Variants in PAK3 observed in about 807,000 individuals in gnomAD.
PAK3 encodes the protein serine/threonine-protein kinase PAK 3.
PAK3 carries 4 observed loss-of-function variants against 41.0 expected under a neutral mutation model. The observed-to-expected ratio is 0.10, with a 90% CI of 0.05 to 0.22. The LOEUF is 0.22. PAK3 is among the 10% of genes least tolerant of loss of function. The pLI is 1.00. For missense variants in PAK3, 205 were observed against 409.9 expected (o/e 0.50, Z 4.32); for synonymous variants, 146 against 139.6 (o/e 1.05, Z -0.32).
chrX:111,087,473 T>C (rs184532766), intron 1 of PAK3, among the ~76,000 whole-genome samples: 101 of 109,203 alleles, frequency 9.2e-4, no homozygotes, highest in African/African-American at 3.3e-3. Flanking sequence ...CTTAATTATA[T>C]GAAACAACAG....
chrX:110,991,106 T>C (rs1226333868), intron 1 of PAK3, among the ~76,000 whole-genome samples: 1 of 99,203 alleles, frequency 1.0e-5, no homozygotes, highest in African/African-American at 3.6e-5. Context: ...CACTCCAGCC[T>C]GGATGGCAGA....
At chrX:111,007,667 A>T (rs2091952702) in intron 1 of PAK3, among the ~76,000 whole-genome samples, 1 of 111,791 alleles carries the variant, frequency 8.9e-6, no homozygotes, top group African/African-American at 3.3e-5. Flanking sequence ...CTTCCATCAG[A>T]ACTTCCCAAA....
intron 14 of PAK3, 116 bp from the exon 15 acceptor site, chrX:111,195,726 A>G: frequency 2.0e-6 from 1 of 508,655 alleles, no homozygotes; most frequent in Non-Finnish European, 3.4e-6. Context: ...GCATTCAGTA[A>G]TCGATTTCAC....
chrX:111,120,044 G>A (rs1361930104), intron 4 of PAK3, among the ~76,000 whole-genome samples: 1 of 112,325 alleles, frequency 8.9e-6, no homozygotes, highest in East Asian at 2.8e-4. Context: ...AAATGGTTTG[G>A]TTCAAGCTTT....
intron 1 of PAK3, among the ~76,000 whole-genome samples, chrX:110,979,518 C>T (rs180916708): frequency 5.2e-4 from 58 of 110,694 alleles, no homozygotes; most frequent in African/African-American, 1.7e-3. Context: ...AGGATGGTCT[C>T]GATCTCCTGA....
intron 1 of PAK3, among the ~76,000 whole-genome samples, chrX:110,983,560 G>A (rs1333585403): frequency 9.1e-6 from 1 of 109,848 alleles, no homozygotes; most frequent in Non-Finnish European, 1.9e-5. Context: ...AAGAGAGAGA[G>A]AGAAATCTTG....
chrX:111,181,228 A>G (rs2094458561), intron 11 of PAK3, among the ~76,000 whole-genome samples: 1 of 112,313 alleles, frequency 8.9e-6, no homozygotes, highest in African/African-American at 3.2e-5. Flanking sequence ...ATGCCAAAGT[A>G]TCTTTGTTAC....
chrX:111,042,502 G>C (rs1439777025), intron 1 of PAK3, among the ~76,000 whole-genome samples: 5 of 111,630 alleles, frequency 4.5e-5, no homozygotes. Flanking sequence ...TTGGGGCCCT[G>C]TACCACGGCA....
At chrX:111,020,619 A>G (rs969848473) in intron 1 of PAK3, among the ~76,000 whole-genome samples, 9 of 111,545 alleles carry the variant, frequency 8.1e-5, no homozygotes, top group African/African-American at 9.8e-5. Flanking sequence ...AAGAACTACC[A>G]CAGGAACATA....
intron 16 of PAK3, among the ~76,000 whole-genome samples, chrX:111,203,412 T>C (rs1033931896): frequency 9.0e-6 from 1 of 111,330 alleles, no homozygotes; most frequent in Non-Finnish European, 1.9e-5. Context: ...GAAAATGGAG[T>C]TCATCATTAA....
intron 5 of PAK3, among the ~76,000 whole-genome samples, chrX:111,137,314 C>T (rs780492487): frequency 2.3e-4 from 26 of 111,508 alleles, no homozygotes; most frequent in Middle Eastern, 4.6e-3. Flanking sequence ...TCTAAGGAAG[C>T]GGTACCCTCA....
chrX:111,173,865 A>G (rs2094375256), intron 11 of PAK3, among the ~76,000 whole-genome samples: 1 of 111,761 alleles, frequency 8.9e-6, no homozygotes, highest in South Asian at 3.7e-4. Flanking sequence ...AGCAGGCAAC[A>G]GCATTTGAAA....
Position 111,151,418 on chromosome X carries a change from G to A in PAK3, c.431-992G>A, listed in dbSNP as rs1380723794. On this transcript the variant is annotated intron_variant, in intron 7 of 17. Coordinates refer to ENST00000372007, the MANE Select transcript of PAK3 (RefSeq NM_002578.5). ...ACAGTTGTACTGTACTGAGCTGAGT[G>A]TACCTCATCATAGGTTTTCTGAATG... Among the ~76,000 whole-genome samples the A allele has an allele frequency of 3.6e-5, 4 of 112,079 alleles. No homozygotes were observed. In the East Asian group the frequency reaches 1.1e-3, roughly 31 times the overall value.
intron 1 of PAK3, among the ~76,000 whole-genome samples, chrX:110,976,756 A>G (rs1489102554): frequency 8.9e-6 from 1 of 111,958 alleles, no homozygotes; most frequent in Non-Finnish European, 1.9e-5. Flanking sequence ...TGACACATAT[A>G]CAACATGGAA....
At chrX:111,174,938 G>A (rs1244297112) in intron 11 of PAK3, among the ~76,000 whole-genome samples, 5 of 110,877 alleles carry the variant, frequency 4.5e-5, no homozygotes, top group South Asian at 7.8e-4. Context: ...TTCTCCCACC[G>A]GGAATTTTCC....
At chrX:111,193,974 G>T (rs756199617) in intron 13 of PAK3, among the ~76,000 whole-genome samples, 2 of 111,249 alleles carry the variant, frequency 1.8e-5, no homozygotes, top group East Asian at 2.9e-4. Context: ...TTAGGGCAGG[G>T]TGGGAACATT....
chrX:110,952,027 T>C (rs2090754731), intron 1 of PAK3, among the ~76,000 whole-genome samples: 1 of 112,215 alleles, frequency 8.9e-6, no homozygotes, highest in Non-Finnish European at 1.9e-5. Flanking sequence ...AGAGGACAAG[T>C]TTGAGGTCCT....
At chrX:111,113,891 T>G (rs1449538494) in intron 4 of PAK3, among the ~76,000 whole-genome samples, 1 of 111,706 alleles carries the variant, frequency 9.0e-6, no homozygotes, top group East Asian at 2.8e-4. Context: ...TTTTCTGTCC[T>G]TGCAATAGAT....
intron 1 of PAK3, among the ~76,000 whole-genome samples, chrX:111,009,001 G>C (rs1275985902): frequency 9.1e-6 from 1 of 110,364 alleles, no homozygotes; most frequent in African/African-American, 3.3e-5. Context: ...TGTAACCATG[G>C]TACTGAGAGC....
Sources: gnomAD v4.1 joint callset for allele counts (sites outside exome capture counted in the v4.1 genomes callset) on GRCh38, gnomAD v4.1.1 for gene constraint, MANE v1.5 for transcripts, NCBI Gene and HGNC (gene_info 2026-07-23, HGNC 2026-07-21) for gene names.